Variants in TUSC3 observed in about 807,000 individuals in gnomAD.
TUSC3 encodes tumor suppressor candidate 3.
Under a neutral mutation model 44.8 loss-of-function variants are expected in TUSC3, and 45 were observed. The observed-to-expected ratio is 1.00, with a 90% CI of 0.79 to 1.29. The LOEUF (loss-of-function observed/expected upper bound fraction) is 1.29. Ranked by LOEUF, TUSC3 falls within the 50% of genes most tolerant of loss-of-function variation. The probability of loss-of-function intolerance (pLI) is 0.00; values close to 1 mark genes in which losing one functional copy is unlikely to be tolerated. For missense variants in TUSC3, 519 were observed against 437.9 expected (o/e 1.19, Z -1.65); for synonymous variants, 212 against 152.9 (o/e 1.39, Z -2.85).
chr8:15,681,000 G>C (rs1434563010), intron 6 of TUSC3, among the ~76,000 whole-genome samples: 2 of 151,982 alleles, frequency 1.3e-5, no homozygotes, highest in Non-Finnish European at 2.9e-5. Context: ...ATATTTTGTT[G>C]AGGATTTTTA....
intron 1 of TUSC3, among the ~76,000 whole-genome samples, chr8:15,614,811 A>T (rs182399050): frequency 8.3e-4 from 126 of 152,108 alleles, no homozygotes; most frequent in African/African-American, 2.8e-3. Context: ...TTTGCTAAGG[A>T]TATAGTTACA....
Position 15,482,138 on chromosome 8 carries a change from C to G in TUSC3, n.92-1248C>G, listed in dbSNP as rs149214794. Reference sequence around the variant, plus strand: ...CTTTGTTCATCCCTCGGAAACAACTCCTTATCTGTTTAAGTTTTACCATGA... The same window carrying G: ...CTTTGTTCATCCCTCGGAAACAACTGCTTATCTGTTTAAGTTTTACCATGA... On this transcript the variant is annotated intron_variant and non_coding_transcript_variant, in intron 1 of 5. Coordinates refer to the TUSC3 transcript ENST00000503191. Among the ~76,000 whole-genome samples, 4 of 152,318 alleles carry G rather than the reference C, an allele frequency of 2.6e-5. No homozygotes were observed. In the East Asian group the frequency reaches 7.7e-4, roughly 29 times the overall value.
Position 15,630,165 on chromosome 8 carries a change from T to G in TUSC3, c.308+6916T>G, listed in dbSNP as rs9693652. Among the ~76,000 whole-genome samples the G allele has an allele frequency of 1.7e-4, 26 of 151,908 alleles. No homozygotes were observed. In the South Asian group the frequency reaches 4.2e-3, roughly 24 times the overall value. On this transcript the variant is annotated intron_variant, in intron 2 of 10. Coordinates refer to ENST00000503731, the MANE Select transcript of TUSC3 (RefSeq NM_006765.4). ...CCTCATGGAAGGATGTTACTATGGA[T>G]CAGTAGATTTAAGAAGAAAATTCAG...
intron 1 of TUSC3, among the ~76,000 whole-genome samples, chr8:15,566,657 T>C (rs528617381): frequency 4.1e-4 from 62 of 152,008 alleles, no homozygotes; most frequent in African/African-American, 1.4e-3. Context: ...TCTTGCTCTG[T>C]TGCTCAGACT....
intron 1 of TUSC3, among the ~76,000 whole-genome samples, chr8:15,428,623 C>T (rs1200567548): frequency 2.6e-5 from 4 of 152,192 alleles, no homozygotes; most frequent in African/African-American, 7.2e-5. Flanking sequence ...ACATCATCTC[C>T]AGCACCTGTT....
At chr8:15,514,902 T>G (rs1208483350) in intron 2 of TUSC3, among the ~76,000 whole-genome samples, 1 of 152,152 alleles carries the variant, frequency 6.6e-6, no homozygotes, top group Non-Finnish European at 1.5e-5. Flanking sequence ...CAAACTATAT[T>G]TTATAGTTGT....
intron 1 of TUSC3, among the ~76,000 whole-genome samples, chr8:15,553,894 C>A: frequency 6.6e-6 from 1 of 151,788 alleles, no homozygotes; most frequent in East Asian, 2.0e-4. Flanking sequence ...GTAGTTGTTA[C>A]GGTTGTTCGT....
the TUSC3 span, among the ~76,000 whole-genome samples, chr8:15,829,688 T>C: frequency 5.9e-5 from 9 of 152,244 alleles, 1 homozygote; most frequent in East Asian, 7.7e-4. Context: ...AATTCTGAGA[T>C]TATGAAACAT....
intron 2 of TUSC3, among the ~76,000 whole-genome samples, chr8:15,628,889 G>A (rs963964877): frequency 5.3e-5 from 8 of 152,256 alleles, no homozygotes; most frequent in South Asian, 2.1e-4. Flanking sequence ...TAGAAAGTGC[G>A]GGTGAGAGAA....
At chr8:15,678,466 C>T (rs867824808) in intron 6 of TUSC3, among the ~76,000 whole-genome samples, 1 of 151,712 alleles carries the variant, frequency 6.6e-6, no homozygotes, top group Non-Finnish European at 1.5e-5. Context: ...GGTTTTATTT[C>T]GAGATATGCC....
Position 15,623,195 on chromosome 8 carries a change from C to A in TUSC3, c.254C>A (p.Ser85Tyr). 1.2e-6 allele frequency: 2 copies of A among 1,613,376 alleles called. No homozygotes were observed. Among genetic ancestry groups the A allele is most frequent in the East Asian group, 2.2e-5 (1 of 44,840 alleles). ...ATAAAGGCACCACCTCGAAACTATT[C>A]CATGATTGTTATGTTCACTGCTCTT... is the stretch of plus-strand genomic sequence containing the variant. ...KFIKAPPRNY[S>Y]MIVMFTALQP... Residue 85 changes from serine to tyrosine, a missense_variant, in exon 2 of 11, where the codon TCC (serine) becomes TAC (tyrosine). Transcript: ENST00000503731.
At chr8:15,652,140 C>G (rs1806940361) in intron 3 of TUSC3, among the ~76,000 whole-genome samples, 1 of 152,154 alleles carries the variant, frequency 6.6e-6, no homozygotes, top group Non-Finnish European at 1.5e-5. Context: ...TGTGATCAAT[C>G]TATTTAAAAT....
At chr8:15,626,201 A>G (rs1291129886) in intron 2 of TUSC3, among the ~76,000 whole-genome samples, 3 of 151,816 alleles carry the variant, frequency 2.0e-5, no homozygotes, top group Non-Finnish European at 2.9e-5. Flanking sequence ...AGCCTCTGCC[A>G]CTCCAGACCC....
chr8:15,694,848 C>G (rs1423439861), intron 6 of TUSC3, among the ~76,000 whole-genome samples: 2 of 152,162 alleles, frequency 1.3e-5, no homozygotes, highest in Non-Finnish European at 2.9e-5. Flanking sequence ...TGAGTGGTGT[C>G]AGCCAAAATG....
At chr8:15,576,300 AT>A (rs1175092934) in intron 1 of TUSC3, among the ~76,000 whole-genome samples, 1 of 70,294 alleles carries the variant, frequency 1.4e-5, no homozygotes, top group Non-Finnish European at 3.0e-5. Flanking sequence ...TTATTTTTTT[AT>A]TTTTTTATTT....
intron 3 of TUSC3, among the ~76,000 whole-genome samples, chr8:15,656,651 C>T (rs1315917027): frequency 6.8e-6 from 1 of 148,140 alleles, no homozygotes; most frequent in Non-Finnish European, 1.5e-5. Context: ...AGGCCCAAGC[C>T]CACGCAACAG....
intron 1 of TUSC3, among the ~76,000 whole-genome samples, chr8:15,554,423 G>A (rs1315629350): frequency 3.3e-5 from 5 of 151,430 alleles, no homozygotes; most frequent in Non-Finnish European, 1.5e-5. Flanking sequence ...GATGGTAGAT[G>A]CTTTATCAGC....
intron 3 of TUSC3, among the ~76,000 whole-genome samples, chr8:15,655,857 C>G (rs1018712262): frequency 2.0e-5 from 3 of 152,152 alleles, no homozygotes; most frequent in Non-Finnish European, 1.5e-5. Context: ...TCCTTCTTCC[C>G]CAAACCACCT....
chr8:15,491,559 A>G (rs1277156427), intron 2 of TUSC3, among the ~76,000 whole-genome samples: 1 of 152,196 alleles, frequency 6.6e-6, no homozygotes, highest in Non-Finnish European at 1.5e-5. Context: ...CCTATTCTTT[A>G]ATCACTGAAT....
Sources: allele counts gnomAD v4.1 joint callset (sites outside exome capture counted in the v4.1 genomes callset), GRCh38; gene constraint gnomAD v4.1.1; transcripts MANE v1.5; gene names NCBI Gene and HGNC (gene_info 2026-07-23, HGNC 2026-07-21).